The following LRP1B variants were observed in gnomAD, a reference collection of about 807,000 sequenced individuals.
The protein encoded by LRP1B is low-density lipoprotein receptor-related protein 1B.
A neutral mutation model predicts 556.6 loss-of-function variants in LRP1B; 217 were observed. The ratio of observed to expected loss-of-function variants is 0.39; its 90% confidence interval spans 0.35 to 0.44. The LOEUF (loss-of-function observed/expected upper bound fraction) is 0.44. Among genes scored for constraint, LRP1B ranks in the 20% least tolerant of loss-of-function variants. LRP1B has a pLI of 1.00. For synonymous variants in LRP1B, 2,047 were observed against 1,865.8 expected (o/e 1.10, Z -2.50); for missense variants, 5,053 against 5,620.8 (o/e 0.90, Z 3.23).
chr2:141,207,572 C>A (rs1343970015), intron 6 of LRP1B, among the ~76,000 whole-genome samples: 1 of 152,094 alleles, frequency 6.6e-6, no homozygotes, highest in East Asian at 1.9e-4. Flanking sequence ...AAAATAGAAG[C>A]TTCTTTAGTT....
At chr2:141,590,599 A>C (rs1687301078) in intron 2 of LRP1B, among the ~76,000 whole-genome samples, 2 of 152,096 alleles carry the variant, frequency 1.3e-5, no homozygotes, top group African/African-American at 4.8e-5. Context: ...GAGTGAAACA[A>C]GGCCCCAGTT....
chr2:141,263,963 G>A (rs961271840), intron 3 of LRP1B, among the ~76,000 whole-genome samples: 11 of 152,260 alleles, frequency 7.2e-5, no homozygotes, highest in Non-Finnish European at 1.5e-4. Flanking sequence ...CCTTGGCAAT[G>A]TAGTAATAGA....
chr2:140,795,741 C>T (rs1690280804), intron 32 of LRP1B, among the ~76,000 whole-genome samples: 1 of 152,068 alleles, frequency 6.6e-6, no homozygotes, highest in Non-Finnish European at 1.5e-5. Context: ...GTAAAAAGGG[C>T]TTCTATCTGA....
rs2105231795 is a variant in LRP1B at position 140,907,929 on chromosome 2, G to A, written c.3468C>T (p.Leu1156=). ...DTSVCLQPEK[L]CNGKKDCPDG... Reference sequence around the variant, plus strand: ...CAGGACAATCCTTTTTCCCATTGCAGAGTTTCTCTGGCTGCAGGCAGACTG... The same window carrying A: ...CAGGACAATCCTTTTTCCCATTGCAAAGTTTCTCTGGCTGCAGGCAGACTG... Residue 1156 remains leucine (L), a synonymous_variant, in exon 22 of 91, where the codon CTC becomes CTT. Transcript: ENST00000389484. 1 of 1,613,602 alleles carries A rather than the reference G, an allele frequency of 6.2e-7. No individual in the cohort carries two copies. The highest frequency in any genetic ancestry group is 8.5e-7 in the Non-Finnish European group (1 of 1,179,694).
At chr2:141,816,041 G>A (rs1696534847) in intron 1 of LRP1B, among the ~76,000 whole-genome samples, 2 of 152,190 alleles carry the variant, frequency 1.3e-5, no homozygotes, top group African/African-American at 2.4e-5. Context: ...GTTAAAAAGT[G>A]TGCAGTTGAC....
intron 1 of LRP1B, among the ~76,000 whole-genome samples, chr2:141,938,553 A>G (rs1018329530): frequency 6.6e-6 from 1 of 152,190 alleles, no homozygotes; most frequent in Non-Finnish European, 1.5e-5. Context: ...AGCTAAAAAT[A>G]GAACTAACAT....
At position 141,731,256 on chromosome 2, in the gene LRP1B, C is replaced by T. The variant is rs573447383; in HGVS notation, c.205+79023G>A. 8.1e-4 allele frequency among the ~76,000 whole-genome samples: 124 copies of T among 152,188 alleles called. No individual in the cohort carries two copies. The Middle Eastern group carries it at 0.01, about 13-fold the overall frequency. On this transcript the variant is annotated intron_variant, in intron 2 of 90. Transcript: ENST00000389484. ...TCCCGGGCCCTATCCCACACTGACT[C>T]GGAATTTCCAGGCACAGTGTCTGGG...
chr2:140,970,330 G>C (rs1454159446), intron 18 of LRP1B, among the ~76,000 whole-genome samples: 1 of 152,082 alleles, frequency 6.6e-6, no homozygotes, highest in Non-Finnish European at 1.5e-5. Flanking sequence ...ACTGACACTT[G>C]TGCATTTGTC....
intron 77 of LRP1B, 131 bp from the exon 78 acceptor site, chr2:140,335,969 A>T: frequency 1.6e-6 from 1 of 640,804 alleles, no homozygotes; most frequent in Non-Finnish European, 2.8e-6. Flanking sequence ...ATAGATGTCA[A>T]AAAGATATTT....
chr2:140,906,984 A>AAAAAAAC (rs1559186915), intron 22 of LRP1B, among the ~76,000 whole-genome samples: 1 of 151,768 alleles, frequency 6.6e-6, no homozygotes, highest in African/African-American at 2.4e-5. Flanking sequence ...AAAAAAAAAA[A>AAAAAAAC]AACTTCCTTT....
intron 7 of LRP1B, among the ~76,000 whole-genome samples, chr2:141,129,810 A>T (rs899132392): frequency 6.7e-6 from 1 of 149,394 alleles, no homozygotes; most frequent in Non-Finnish European, 1.5e-5. Context: ...AAAATTTACT[A>T]TATGTAAATA....
chr2:140,749,301 T>TA (rs1458145596), intron 35 of LRP1B, among the ~76,000 whole-genome samples: 3 of 152,078 alleles, frequency 2.0e-5, no homozygotes, highest in Non-Finnish European at 4.4e-5. Context: ...CTAAATTTAT[T>TA]AAAAAATCTT....
intron 41 of LRP1B, among the ~76,000 whole-genome samples, chr2:140,638,033 T>C (rs888671847): frequency 2.0e-5 from 3 of 152,206 alleles, no homozygotes; most frequent in African/African-American, 7.2e-5. Context: ...AGCATGATAT[T>C]ATAGTTTTAA....
At position 140,721,105 on chromosome 2, in the gene LRP1B, T is replaced by C. The variant is rs193137332; in HGVS notation, c.5759-4289A>G. On this transcript the variant is annotated intron_variant, in intron 35 of 90. Transcript: ENST00000389484. ...TAAATAACAGAAGGCAGAATTTAGATAACCTTTAGGATCTCTTCTGGCTAT... is the reference window on the plus strand; with the variant it reads ...TAAATAACAGAAGGCAGAATTTAGACAACCTTTAGGATCTCTTCTGGCTAT... Among the ~76,000 whole-genome samples, 6 of 152,310 alleles carry C rather than the reference T, an allele frequency of 3.9e-5. No individual in the cohort carries two copies. In the East Asian group the frequency reaches 7.7e-4, roughly 20 times the overall value.
At chr2:140,666,637 A>C (rs918133768) in intron 41 of LRP1B, among the ~76,000 whole-genome samples, 1 of 152,228 alleles carries the variant, frequency 6.6e-6, no homozygotes, top group African/African-American at 2.4e-5. Flanking sequence ...GATGTAATCA[A>C]GAAACTAACA....
chr2:140,844,585 A>C (rs960488455), intron 29 of LRP1B, among the ~76,000 whole-genome samples: 5 of 152,090 alleles, frequency 3.3e-5, no homozygotes, highest in African/African-American at 4.8e-5. Flanking sequence ...TTTTTGATAA[A>C]ATATTGAAAT....
intron 3 of LRP1B, among the ~76,000 whole-genome samples, chr2:141,423,035 C>T (rs1035495045): frequency 3.3e-5 from 5 of 151,940 alleles, no homozygotes; most frequent in South Asian, 2.1e-4. Context: ...ACAGGAAATA[C>T]GAAAGTGGGA....
intron 7 of LRP1B, among the ~76,000 whole-genome samples, chr2:141,118,303 A>G (rs1052310195): frequency 1.3e-5 from 2 of 151,946 alleles, no homozygotes; most frequent in Non-Finnish European, 2.9e-5. Context: ...TATTTATCAC[A>G]TCTTATTACA....
intron 1 of LRP1B, among the ~76,000 whole-genome samples, chr2:142,017,924 C>A (rs75907753): frequency 0.012 from 1,759 of 147,812 alleles, 12 homozygotes; most frequent in Non-Finnish European, 0.019. Flanking sequence ...AGTAATGTTT[C>A]TATTTGTGCT....
Sources: allele counts gnomAD v4.1 joint callset (sites outside exome capture counted in the v4.1 genomes callset), GRCh38; gene constraint gnomAD v4.1.1; transcripts MANE v1.5; gene names NCBI Gene and HGNC (gene_info 2026-07-23, HGNC 2026-07-21).